The following ZNF451 variants were observed in gnomAD, a reference collection of about 807,000 sequenced individuals.
ZNF451 encodes the protein zinc finger protein 451, also known as E3 SUMO-protein ligase ZNF451.
Under a neutral mutation model 107.1 loss-of-function variants are expected in ZNF451, and 80 were observed. The observed-to-expected ratio is 0.75, with a 90% CI of 0.62 to 0.90. The LOEUF is 0.90. Ranked by LOEUF, ZNF451 falls within the 40% of genes least tolerant of loss-of-function variation. The probability of loss-of-function intolerance (pLI) is 0.00; values close to 1 mark genes in which losing one functional copy is unlikely to be tolerated. For synonymous variants in ZNF451, 362 were observed against 406.5 expected (o/e 0.89, Z 1.32); for missense variants, 1,107 against 1,236.2 (o/e 0.90, Z 1.57).
chr6:57,096,554 T>C (rs1255779108), intron 2 of ZNF451, among the ~76,000 whole-genome samples: 1 of 144,794 alleles, frequency 6.9e-6, no homozygotes, highest in Non-Finnish European at 1.5e-5. Context: ...CATCTTCTTC[T>C]TTACTTTCTG....
chr6:57,147,050 T>C (rs1832099941), intron 9 of ZNF451, 40 bp from the exon 10 acceptor site: 1 of 1,525,174 alleles, frequency 6.6e-7, no homozygotes, highest in Admixed American at 2.1e-5. Context: ...ATTTAGAAAA[T>C]ACTTCTGAAA....
intron 3 of ZNF451, among the ~76,000 whole-genome samples, chr6:57,117,267 C>G (rs1207848158): frequency 6.6e-6 from 1 of 150,802 alleles, no homozygotes; most frequent in East Asian, 1.9e-4. Flanking sequence ...CTGAAATGCT[C>G]CAAGGAATGT....
At chr6:57,097,966 A>T (rs561606243) in intron 2 of ZNF451, among the ~76,000 whole-genome samples, 21 of 145,862 alleles carry the variant, frequency 1.4e-4, no homozygotes, top group East Asian at 4.0e-4. Flanking sequence ...TTATATATTT[A>T]TTATTATTAT....
intron 3 of ZNF451, among the ~76,000 whole-genome samples, chr6:57,118,957 T>C (rs1425323522): frequency 6.6e-6 from 1 of 152,192 alleles, no homozygotes; most frequent in Non-Finnish European, 1.5e-5. Context: ...GCTGTCCAAG[T>C]AGTCAGAAAG....
chr6:57,104,571 C>G, intron 3 of ZNF451: 1 of 985,044 alleles, frequency 1.0e-6, no homozygotes. Flanking sequence ...CTTTAATATG[C>G]TTCCCCTTCC....
intron 3 of ZNF451, among the ~76,000 whole-genome samples, chr6:57,114,676 A>G (rs1830278919): frequency 6.6e-6 from 1 of 152,166 alleles, no homozygotes; most frequent in South Asian, 2.1e-4. Context: ...TTTGTAGGAT[A>G]TATATTAAAC....
chr6:57,124,177 T>G (rs577889431), intron 3 of ZNF451, among the ~76,000 whole-genome samples: 124 of 152,182 alleles, frequency 8.1e-4, no homozygotes, highest in Non-Finnish European at 1.5e-3. Context: ...TTCCCTTCTA[T>G]TCTTACTTTG....
intron 3 of ZNF451, chr6:57,105,822 T>G: frequency 5.1e-6 from 5 of 985,408 alleles, no homozygotes; most frequent in Non-Finnish European, 6.0e-6. Flanking sequence ...GCAGTAAATT[T>G]GCTGACACTT....
intron 14 of ZNF451, chr6:57,164,781 T>C (rs1188160730): frequency 6.6e-6 from 1 of 152,190 alleles, no homozygotes; most frequent in African/African-American, 2.4e-5. Flanking sequence ...TTTTTGTTGT[T>C]TGTTTGCCAT....
chr6:57,109,348 A>G (rs1193591034), intron 3 of ZNF451: 2 of 985,240 alleles, frequency 2.0e-6, no homozygotes, highest in Non-Finnish European at 2.4e-6. Context: ...GTTTAATGGA[A>G]GGAAAAAGGA....
intron 14 of ZNF451, among the ~76,000 whole-genome samples, chr6:57,164,597 A>C (rs1481309187): frequency 1.3e-5 from 2 of 152,218 alleles, no homozygotes; most frequent in Non-Finnish European, 2.9e-5. Flanking sequence ...AATTCCTTCA[A>C]TTAATAGCAG....
chr6:57,137,170 C>G (rs916484255), intron 7 of ZNF451, among the ~76,000 whole-genome samples: 1 of 152,154 alleles, frequency 6.6e-6, no homozygotes, highest in Non-Finnish European at 1.5e-5. Flanking sequence ...CTAAAGAAAA[C>G]TAGTATGCAT....
At chr6:57,129,576 C>G (rs895790344) in intron 5 of ZNF451, among the ~76,000 whole-genome samples, 4 of 152,154 alleles carry the variant, frequency 2.6e-5, no homozygotes, top group Admixed American at 2.6e-4. Context: ...TTTGTTGAAC[C>G]TAGGTATCTT....
At chr6:57,119,575 G>A (rs1180935222) in intron 3 of ZNF451, among the ~76,000 whole-genome samples, 1 of 152,048 alleles carries the variant, frequency 6.6e-6, no homozygotes, top group South Asian at 2.1e-4. Context: ...TCTTAAAATA[G>A]ACTTTTTAAA....
chr6:57,121,989 A>G (rs966588960), intron 3 of ZNF451, among the ~76,000 whole-genome samples: 3 of 152,210 alleles, frequency 2.0e-5, no homozygotes, highest in Admixed American at 6.5e-5. Flanking sequence ...CTACAAGGCT[A>G]CAGTAACCAA....
At chr6:57,162,720 A>G (rs1259866458) in intron 14 of ZNF451, among the ~76,000 whole-genome samples, 2 of 152,216 alleles carry the variant, frequency 1.3e-5, no homozygotes, top group Non-Finnish European at 2.9e-5. Context: ...ATGCCAGGCA[A>G]AATTATAACT....
At chr6:57,103,825 A>T (rs1334715548) in intron 3 of ZNF451, 2 of 985,176 alleles carry the variant, frequency 2.0e-6, no homozygotes, top group Non-Finnish European at 2.4e-6. Flanking sequence ...CACACTTTTT[A>T]ATAATCTATT....
At chr6:57,106,185 T>C in intron 3 of ZNF451, 3 of 985,416 alleles carry the variant, frequency 3.0e-6, no homozygotes, top group Non-Finnish European at 2.4e-6. Context: ...TGGATACTGA[T>C]GTGGATGGAC....
intron 3 of ZNF451, chr6:57,106,721 T>C: frequency 1.0e-6 from 1 of 985,246 alleles, no homozygotes; most frequent in Non-Finnish European, 1.2e-6. Context: ...TAGTGGCTAG[T>C]CCAATAATTG....
Sources: gnomAD v4.1 joint callset for allele counts (sites outside exome capture counted in the v4.1 genomes callset) on GRCh38, gnomAD v4.1.1 for gene constraint, MANE v1.5 for transcripts, NCBI Gene and HGNC (gene_info 2026-07-23, HGNC 2026-07-21) for gene names.